Variants in KRTAP27-1 observed in about 807,000 individuals in gnomAD.
The protein encoded by KRTAP27-1 is keratin associated protein 27-1.
KRTAP27-1 carries 1 observed loss-of-function variant against 0.5 expected under a neutral mutation model. The ratio of observed to expected loss-of-function variants is 1.90; its 90% CI spans 0.68 to 9.03. The LOEUF (loss-of-function observed/expected upper bound fraction) is 9.03, where lower values mean the gene tolerates loss of function less well. Among genes scored for constraint, KRTAP27-1 ranks in the 30% most tolerant of loss-of-function variants. The pLI is 0.13. For synonymous variants in KRTAP27-1, 103 were observed against 88.9 expected (o/e 1.16, Z -0.89); for missense variants, 264 against 244.2 (o/e 1.08, Z -0.54).
chr21:30,337,439 T>C lies in KRTAP27-1; in HGVS notation c.230A>G (p.Gln77Arg). The C allele has an allele frequency of 6.2e-7, 1 of 1,614,180 alleles. No individual in the cohort carries two copies. The highest frequency in any genetic ancestry group is 2.2e-5 in the East Asian group (1 of 44,888). Residue 77 changes from glutamine (Q) to arginine (R), a missense_variant, in exon 1 of 1, where the codon CAA becomes CGA. Physicochemically the swap from Gln to Arg is conservative, Grantham distance 43. Coordinates refer to ENST00000382835, the MANE Select transcript of KRTAP27-1 (RefSeq NM_001077711.1). ...GACAACTCCGGGGAAGCAGTTACTTTGCACACAGCTATCGTCTGTGAATAA... is the reference window on the plus strand; with the variant it reads ...GACAACTCCGGGGAAGCAGTTACTTCGCACACAGCTATCGTCTGTGAATAA... ...QDLFTDDSCV[Q>R]SNCFPGVVQT... is the part of the protein sequence containing the mutation.
chr21:30,337,382 T>G lies in KRTAP27-1; in HGVS notation c.287A>C (p.Glu96Ala). ...ACTTTCTGATTGGCACGCTGTCCTTTCGCAGGGCCTGGAATTGGAGTAAGT... is the reference window on the plus strand; with the variant it reads ...ACTTTCTGATTGGCACGCTGTCCTTGCGCAGGGCCTGGAATTGGAGTAAGT... ...QTTYSNSRPC[E>A]RTACQSESSS... The change falls in exon 1 of 1, where the codon GAA (glutamate) becomes GCA (alanine). Residue 96 changes from glutamate (E) to alanine (A), a missense_variant. Glu to Ala is a moderately radical substitution (Grantham distance 107, BLOSUM62 -1). Transcript: ENST00000382835. 1 of 1,613,944 alleles carries G rather than the reference T, an allele frequency of 6.2e-7. No individual in the cohort carries two copies. Among genetic ancestry groups the G allele is most frequent in the African/African-American group, 1.3e-5 (1 of 75,058 alleles).
chr21:30,337,198 T>A lies in KRTAP27-1; in HGVS notation c.471A>T (p.Ala157=). ...GAGACTGACACTGACATTGGCTAGATGCACGTTCCAGAGTTTCGAAATTTT... is the reference window on the plus strand; with the variant it reads ...GAGACTGACACTGACATTGGCTAGAAGCACGTTCCAGAGTTTCGAAATTTT... ...KSKNFETLER[A]SSQCQCQSQN... is the part of the protein sequence containing the mutation. The change falls in exon 1 of 1, where the codon GCA becomes GCT. Residue 157 remains alanine (A), a synonymous_variant. Coordinates refer to ENST00000382835, the MANE Select transcript of KRTAP27-1 (RefSeq NM_001077711.1). 6.2e-7 allele frequency: 1 copy of A among 1,614,166 alleles called. No homozygotes were observed.
Position 30,337,421 on chromosome 21 carries a change from C to G in KRTAP27-1, c.248G>C (p.Gly83Ala). The change falls in exon 1 of 1, where the codon GGA becomes GCA. Residue 83 changes from glycine (G) to alanine (A), a missense_variant. Physicochemically the swap from Gly to Ala is moderately conservative, Grantham distance 60. Coordinates refer to ENST00000382835, the MANE Select transcript of KRTAP27-1 (RefSeq NM_001077711.1). Reference protein sequence around the residue: ...DSCVQSNCFPGVVQTTYSNSR... With the variant: ...DSCVQSNCFPAVVQTTYSNSR... ...ATTGGAGTAAGTAGTTTGGACAACT[C>G]CGGGGAAGCAGTTACTTTGCACACA... The G allele has an allele frequency of 6.2e-7, 1 of 1,614,128 alleles. No individual in the cohort carries two copies. Among genetic ancestry groups the G allele is most frequent in the Non-Finnish European group, 8.5e-7 (1 of 1,179,980 alleles).
At position 30,337,490 on chromosome 21, in the gene KRTAP27-1, C is replaced by A. The variant is rs749901631; in HGVS notation, c.179G>T (p.Cys60Phe). 1.9e-6 allele frequency: 3 copies of A among 1,614,076 alleles called. No homozygotes were observed. The highest frequency in any genetic ancestry group is 1.3e-5 in the African/African-American group (1 of 74,926). ...GTCCTGTTCACAATTGGTCATTTGG[C>A]AGCTGGTGGTTTCATTGCAGGTTTC... is the stretch of plus-strand genomic sequence containing the variant. ...FQETCNETTS[C>F]QMTNCEQDLF... The change falls in exon 1 of 1, where the codon TGC becomes TTC. Residue 60 changes from cysteine to phenylalanine, a missense_variant. Coordinates refer to ENST00000382835, the MANE Select transcript of KRTAP27-1 (RefSeq NM_001077711.1).
chr21:30,337,662 G>A lies in KRTAP27-1; in HGVS notation c.7C>T (p.His3Tyr), dbSNP rs573250016. ...CTCCTGAGTGAATGGCAGTGGCTAT[G>A]AGGCATATTGCTAAAAATCCTTAAA... MPHSHCHSLRSFH... is the reference protein window; with the variant it reads MPYSHCHSLRSFH... The change falls in exon 1 of 1, where the codon CAT becomes TAT. Residue 3 changes from histidine (H) to tyrosine (Y), a missense_variant. Coordinates refer to ENST00000382835, the MANE Select transcript of KRTAP27-1 (RefSeq NM_001077711.1). The A allele has an allele frequency of 1.2e-6, 2 of 1,609,234 alleles. No homozygotes were observed. Among genetic ancestry groups the A allele is most frequent in the African/African-American group, 2.7e-5 (2 of 74,882 alleles).
Position 30,337,510 on chromosome 21 carries a change from G to A in KRTAP27-1, c.159C>T (p.Thr53=), listed in dbSNP as rs751108889. The change falls in exon 1 of 1, where the codon ACC becomes ACT. Residue 53 remains threonine, a synonymous_variant. Transcript: ENST00000382835. ...TTTGGCAGCTGGTGGTTTCATTGCA[G>A]GTTTCTTGAAAGTTGTCCAGGAAAC... ...RTCFLDNFQE[T]CNETTSCQMT... is the part of the protein sequence containing the mutation. 3.1e-6 allele frequency: 5 copies of A among 1,614,068 alleles called. No individual in the cohort carries two copies. The Admixed American group carries it at 8.3e-5, about 27-fold the overall frequency.
chr21:30,337,261 G>C lies in KRTAP27-1; in HGVS notation c.408C>G (p.Leu136=), dbSNP rs1982056502. 10 of 1,614,208 alleles carry C rather than the reference G, an allele frequency of 6.2e-6. No homozygotes were observed. The highest frequency in any genetic ancestry group is 8.5e-6 in the Non-Finnish European group (10 of 1,180,044). ...FVAQSCQPAS[L]KGNSCPPKTS... ...TCTTGGGTGGGCAACTGTTTCCCTT[G>C]AGGCTTGCAGGTTGGCAGCTCTGGG... The change falls in exon 1 of 1, where the codon CTC becomes CTG. Residue 136 remains leucine (L), a synonymous_variant. Coordinates refer to ENST00000382835, the MANE Select transcript of KRTAP27-1 (RefSeq NM_001077711.1).
rs771070670 is a variant in KRTAP27-1 at position 30,337,383 on chromosome 21, C to T, written c.286G>A (p.Glu96Lys). 2.8e-5 allele frequency: 45 copies of T among 1,614,040 alleles called. No individual in the cohort carries two copies. In the Admixed American group the frequency reaches 5.2e-4, roughly 19 times the overall value. ...QTTYSNSRPC[E>K]RTACQSESSS... ...CTTTCTGATTGGCACGCTGTCCTTT[C>T]GCAGGGCCTGGAATTGGAGTAAGTA... is the stretch of plus-strand genomic sequence containing the variant. Residue 96 changes from glutamate (E) to lysine (K), a missense_variant, in exon 1 of 1, where the codon GAA becomes AAA. By Grantham distance (56) the Glu-to-Lys change is moderately conservative (BLOSUM62 1). Coordinates refer to ENST00000382835, the MANE Select transcript of KRTAP27-1 (RefSeq NM_001077711.1).
rs369937528 is a variant in KRTAP27-1, at chr21:30,337,673, C to T, written c.-5G>A. The T allele has an allele frequency of 3.7e-5, 60 of 1,606,294 alleles. No homozygotes were observed. The African/African-American group carries it at 4.9e-4, about 13-fold the overall frequency. Reference sequence around the variant, plus strand: ...ATGGCAGTGGCTATGAGGCATATTGCTAAAAATCCTTAAAGATGGTCATAA... The same window carrying T: ...ATGGCAGTGGCTATGAGGCATATTGTTAAAAATCCTTAAAGATGGTCATAA... On this transcript the variant is annotated 5_prime_UTR_variant, in exon 1 of 1. Coordinates refer to ENST00000382835, the MANE Select transcript of KRTAP27-1 (RefSeq NM_001077711.1).
the KRTAP27-1 span, chr21:30,337,186 A>T: frequency 1.9e-6 from 3 of 1,614,172 alleles, no homozygotes; most frequent in East Asian, 2.2e-5. Flanking sequence ...ACTGACACTG[A>T]CATTGGCTAG....
Position 30,337,308 on chromosome 21 carries a change from T to A in KRTAP27-1, c.361A>T (p.Thr121Ser). The change falls in exon 1 of 1, where the codon ACT becomes TCT. Residue 121 changes from threonine to serine, a missense_variant. Physicochemically the swap from Thr to Ser is moderately conservative, Grantham distance 58. Coordinates refer to ENST00000382835, the MANE Select transcript of KRTAP27-1 (RefSeq NM_001077711.1). ...TGGGCTACAAAACCCATCTGCTGAG[T>A]GCTTTCTGATTGGCAAGGCTGAGAA... is the stretch of plus-strand genomic sequence containing the variant. ...CVSQPCQSESTQQMGFVAQSC... is the reference protein window; with the variant it reads ...CVSQPCQSESSQQMGFVAQSC... 6.2e-7 allele frequency: 1 copy of A among 1,613,986 alleles called. No individual in the cohort carries two copies.
Position 30,337,632 on chromosome 21 carries a change from G to T in KRTAP27-1, c.37C>A (p.His13Asn). 6.2e-7 allele frequency: 1 copy of T among 1,613,854 alleles called. No individual in the cohort carries two copies. The highest frequency in any genetic ancestry group is 8.5e-7 in the Non-Finnish European group (1 of 1,179,766). Residue 13 changes from histidine (H) to asparagine (N), a missense_variant, in exon 1 of 1, where the codon CAC (histidine) becomes AAC (asparagine). His to Asn is a moderately conservative substitution (Grantham distance 68). Transcript: ENST00000382835. ...HSHCHSLRSF[H>N]NAPPLSAITH... Reference sequence around the variant, plus strand: ...ATGGCAGAGAGTGGTGGGGCATTGTGGAAGCTCCTGAGTGAATGGCAGTGG... The same window carrying T: ...ATGGCAGAGAGTGGTGGGGCATTGTTGAAGCTCCTGAGTGAATGGCAGTGG...
In KRTAP27-1 at chr21:30,337,200, C is replaced by T. The variant is rs200389479; in HGVS notation, c.469G>A (p.Ala157Thr). Reference protein sequence around the residue: ...KSKNFETLERASSQCQCQSQN... With the variant: ...KSKNFETLERTSSQCQCQSQN... The stretch of plus-strand genomic sequence containing the variant: ...GACTGACACTGACATTGGCTAGATG[C>T]ACGTTCCAGAGTTTCGAAATTTTTA... The change falls in exon 1 of 1, where the codon GCA (alanine) becomes ACA (threonine). Residue 157 changes from alanine (A) to threonine (T), a missense_variant. Ala to Thr is a moderately conservative substitution (Grantham distance 58). Transcript: ENST00000382835. 1 of 1,614,108 alleles carries T rather than the reference C, an allele frequency of 6.2e-7. No homozygotes were observed. Among genetic ancestry groups the T allele is most frequent in the Non-Finnish European group, 8.5e-7 (1 of 1,180,008 alleles).
In KRTAP27-1 at chr21:30,337,176, A is replaced by T. The variant is rs1273868874; in HGVS notation, c.493T>A (p.Ser165Thr). The change falls in exon 1 of 1, where the codon TCT (serine) becomes ACT (threonine). Residue 165 changes from serine (S) to threonine (T), a missense_variant. Coordinates refer to ENST00000382835, the MANE Select transcript of KRTAP27-1 (RefSeq NM_001077711.1). ...ERASSQCQCQ[S>T]QNPESSSCRP... ...CAGGAACTGGATTCAGGGTTCTGAG[A>T]CTGACACTGACATTGGCTAGATGCA... 6.2e-7 allele frequency: 1 copy of T among 1,614,120 alleles called. No homozygotes were observed. The highest frequency in any genetic ancestry group is 1.1e-5 in the South Asian group (1 of 91,086).
At chr21:30,337,119 G>A in the KRTAP27-1 span, 1 of 1,614,078 alleles carries the variant, frequency 6.2e-7, no homozygotes, top group Non-Finnish European at 8.5e-7. Flanking sequence ...TCCAGGAGTT[G>A]TGGCTCAGGT....
At position 30,337,310 on chromosome 21, in the gene KRTAP27-1, C is replaced by T. The variant is rs756039878; in HGVS notation, c.359G>A (p.Ser120Asn). 3 of 1,614,188 alleles carry T rather than the reference C, an allele frequency of 1.9e-6. No homozygotes were observed. The highest frequency in any genetic ancestry group is 1.3e-5 in the African/African-American group (1 of 75,036). ...GGCTACAAAACCCATCTGCTGAGTGCTTTCTGATTGGCAAGGCTGAGAAAC... is the reference window on the plus strand; with the variant it reads ...GGCTACAAAACCCATCTGCTGAGTGTTTTCTGATTGGCAAGGCTGAGAAAC... ...ACVSQPCQSE[S>N]TQQMGFVAQS... The change falls in exon 1 of 1, where the codon AGC becomes AAC. Residue 120 changes from serine (S) to asparagine (N), a missense_variant. Coordinates refer to ENST00000382835, the MANE Select transcript of KRTAP27-1 (RefSeq NM_001077711.1).
In KRTAP27-1 at chr21:30,337,188, A is replaced by G. The variant is rs867048756; in HGVS notation, c.481T>C (p.Cys161Arg). ...TCAGGGTTCTGAGACTGACACTGACATTGGCTAGATGCACGTTCCAGAGTT... is the reference window on the plus strand; with the variant it reads ...TCAGGGTTCTGAGACTGACACTGACGTTGGCTAGATGCACGTTCCAGAGTT... ...FETLERASSQ[C>R]QCQSQNPESS... is the part of the protein sequence containing the mutation. Residue 161 changes from cysteine (C) to arginine (R), a missense_variant, in exon 1 of 1, where the codon TGT becomes CGT. Physicochemically the swap from Cys to Arg is radical, Grantham distance 180. Transcript: ENST00000382835. 3.7e-6 allele frequency: 6 copies of G among 1,614,152 alleles called. No individual in the cohort carries two copies. In the Middle Eastern group the frequency reaches 6.6e-4, roughly 178 times the overall value.
rs185907089 is a variant in KRTAP27-1 at position 30,337,077 on chromosome 21, C to T, written c.592G>A (p.Val198Ile). The T allele has an allele frequency of 1.9e-5, 31 of 1,609,096 alleles. No individual in the cohort carries two copies. The East Asian group carries it at 4.9e-4, about 26-fold the overall frequency. The change falls in exon 1 of 1, where the codon GTT (valine) becomes ATT (isoleucine). Residue 198 changes from valine to isoleucine, a missense_variant. Coordinates refer to ENST00000382835, the MANE Select transcript of KRTAP27-1 (RefSeq NM_001077711.1). Reference sequence around the variant, plus strand: ...CTAGGCAATTGAGAACCACCAGTAACACAGCAAGTTGGTTCAACTCCTGGA... The same window carrying T: ...CTAGGCAATTGAGAACCACCAGTAATACAGCAAGTTGGTTCAACTCCTGGA... ...SSPGVEPTCC[V>I]TGGSQLPSK
chr21:30,337,231 A>G lies in KRTAP27-1; in HGVS notation c.438T>C (p.Ser146=), dbSNP rs748782107. Residue 146 remains serine (S), a synonymous_variant, in exon 1 of 1, where the codon TCT becomes TCC. Transcript: ENST00000382835. The part of the protein sequence containing the change: ...LKGNSCPPKT[S]KSKNFETLER... Reference sequence around the variant, plus strand: ...CCAGAGTTTCGAAATTTTTAGACTTAGAAGTCTTGGGTGGGCAACTGTTTC... The same window carrying G: ...CCAGAGTTTCGAAATTTTTAGACTTGGAAGTCTTGGGTGGGCAACTGTTTC... 27 of 1,614,016 alleles carry G rather than the reference A, an allele frequency of 1.7e-5. No homozygotes were observed. Among genetic ancestry groups the G allele is most frequent in the Middle Eastern group, 1.6e-4 (1 of 6,082 alleles).
Sources: allele counts gnomAD v4.1 joint callset, GRCh38; gene constraint gnomAD v4.1.1; transcripts MANE v1.5; gene names NCBI Gene and HGNC (gene_info 2026-07-23, HGNC 2026-07-21).